Variants in OPCML observed in about 807,000 individuals in gnomAD.
The protein encoded by OPCML is opioid-binding protein/cell adhesion molecule.
OPCML carries 13 observed loss-of-function variants against 37.8 expected under a neutral mutation model. The observed-to-expected ratio is 0.34, with a 90% CI of 0.22 to 0.55. OPCML has a LOEUF of 0.55. Among genes scored for constraint, OPCML ranks in the 20% least tolerant of loss-of-function variants. The probability of loss-of-function intolerance (pLI) is 0.91; values close to 1 mark genes in which losing one functional copy is unlikely to be tolerated. For synonymous variants in OPCML, 176 were observed against 168.8 expected, an observed-to-expected ratio of 1.04 and a Z score of -0.33; for missense variants, 341 against 435.6, an observed-to-expected ratio of 0.78 and a Z score of 1.93.
chr11:132,749,403 A>G (rs1020010841), intron 2 of OPCML, among the ~76,000 whole-genome samples: 1 of 152,200 alleles, frequency 6.6e-6, no homozygotes, highest in Non-Finnish European at 1.5e-5. Context: ...CCAAGACGAT[A>G]GGAAAGACTG....
At chr11:133,483,110 TTA>T (rs1947413939) in intron 1 of OPCML, among the ~76,000 whole-genome samples, 1 of 151,942 alleles carries the variant, frequency 6.6e-6, no homozygotes, top group Non-Finnish European at 1.5e-5. Context: ...ATGAGAAATT[TTA>T]AGAGGAGAAA....
At chr11:132,624,233 C>T (rs1939601057) in intron 3 of OPCML, among the ~76,000 whole-genome samples, 1 of 152,164 alleles carries the variant, frequency 6.6e-6, no homozygotes, top group Non-Finnish European at 1.5e-5. Flanking sequence ...ATTCAGCAAA[C>T]AGGCTCAAGT....
chr11:132,524,549 A>G (rs1405299895), intron 4 of OPCML, among the ~76,000 whole-genome samples: 7 of 152,348 alleles, frequency 4.6e-5, no homozygotes, highest in African/African-American at 1.7e-4. Flanking sequence ...TACACAGTCA[A>G]AAGTTCAGCA....
At chr11:133,014,970 G>A (rs150560897) in intron 1 of OPCML, among the ~76,000 whole-genome samples, 1 of 152,266 alleles carries the variant, frequency 6.6e-6, no homozygotes, top group African/African-American at 2.4e-5. Flanking sequence ...TACCCTCAAT[G>A]GAATAACGTC....
At chr11:133,046,919 G>C (rs922732115) in intron 1 of OPCML, among the ~76,000 whole-genome samples, 1 of 151,556 alleles carries the variant, frequency 6.6e-6, no homozygotes, top group African/African-American at 2.4e-5. Context: ...AGGAGCCGGG[G>C]AGTGGAAGGG....
rs1555072797 is a variant in OPCML at position 132,999,577 on chromosome 11, G to GA, written c.62-56568dup. Among the ~76,000 whole-genome samples the GA allele has an allele frequency of 4.1e-3, 596 of 146,568 alleles. 16 individuals carry two copies. The highest frequency in any genetic ancestry group is 0.015 in the African/African-American group (556 of 37,172). Reference sequence around the variant, plus strand: ...CAAGTGACAAATGGGGTCGGGGGGGGAATGCCACCGGTAATGAACAAAAGC... The same window carrying GA: ...CAAGTGACAAATGGGGTCGGGGGGGGAAATGCCACCGGTAATGAACAAAAGC... On this transcript the variant is annotated intron_variant, in intron 1 of 7. Transcript: ENST00000524381.
intron 1 of OPCML, among the ~76,000 whole-genome samples, chr11:133,479,777 C>A (rs963395579): frequency 2.0e-5 from 3 of 152,204 alleles, no homozygotes; most frequent in East Asian, 1.9e-4. Context: ...ACCCACCGAA[C>A]AAATGACACC....
At chr11:132,673,375 G>A (rs911354073) in intron 2 of OPCML, among the ~76,000 whole-genome samples, 3 of 152,108 alleles carry the variant, frequency 2.0e-5, no homozygotes, top group South Asian at 2.1e-4. Flanking sequence ...GGCCATTGGG[G>A]CATCAGACAT....
At chr11:132,923,193 C>A (rs1404812287) in intron 2 of OPCML, among the ~76,000 whole-genome samples, 3 of 152,066 alleles carry the variant, frequency 2.0e-5, no homozygotes, top group Non-Finnish European at 4.4e-5. Context: ...CTAGTTCATT[C>A]CCCCTGCATG....
chr11:133,180,468 C>A (rs1250847003), intron 1 of OPCML, among the ~76,000 whole-genome samples: 1 of 152,140 alleles, frequency 6.6e-6, no homozygotes, highest in Non-Finnish European at 1.5e-5. Context: ...TGGTTCAAAT[C>A]ATAGCAAATG....
At chr11:132,627,324 C>G (rs1939811229) in intron 3 of OPCML, among the ~76,000 whole-genome samples, 1 of 152,202 alleles carries the variant, frequency 6.6e-6, no homozygotes, top group Non-Finnish European at 1.5e-5. Flanking sequence ...CCAAATATTG[C>G]AGCCATCTTT....
intron 3 of OPCML, among the ~76,000 whole-genome samples, chr11:132,573,769 C>T (rs2096443701): frequency 6.6e-6 from 1 of 151,828 alleles, no homozygotes; most frequent in African/African-American, 2.4e-5. Context: ...GAAGTGTTTC[C>T]TCGTTTTAAT....
chr11:133,467,711 C>T (rs1000699006), intron 1 of OPCML, among the ~76,000 whole-genome samples: 1 of 152,102 alleles, frequency 6.6e-6, no homozygotes, highest in Non-Finnish European at 1.5e-5. Context: ...AATGGCAGAA[C>T]TGGTGAATAA....
At chr11:133,495,761 T>C (rs1260441124) in intron 1 of OPCML, among the ~76,000 whole-genome samples, 1 of 152,154 alleles carries the variant, frequency 6.6e-6, no homozygotes, top group Non-Finnish European at 1.5e-5. Flanking sequence ...TTTTTTTTCT[T>C]ACTGATTTGT....
chr11:133,234,273 A>C (rs2219095), intron 1 of OPCML, among the ~76,000 whole-genome samples: 41,305 of 152,122 alleles, frequency 0.27, 6,321 homozygotes, highest in African/African-American at 0.41. Context: ...CAAAAAAAAA[A>C]CACAGTTTTT....
intron 1 of OPCML, among the ~76,000 whole-genome samples, chr11:133,323,990 C>T (rs1173489478): frequency 6.6e-6 from 1 of 152,214 alleles, no homozygotes; most frequent in Non-Finnish European, 1.5e-5. Flanking sequence ...TCCATTACCC[C>T]TGTGGGGGCT....
intron 3 of OPCML, among the ~76,000 whole-genome samples, chr11:132,553,052 C>T (rs2096385984): frequency 6.6e-6 from 1 of 152,208 alleles, no homozygotes; most frequent in Non-Finnish European, 1.5e-5. Flanking sequence ...TCATGAGCCA[C>T]TACGCGCAGC....
At chr11:133,204,322 G>C (rs1938939893) in intron 1 of OPCML, among the ~76,000 whole-genome samples, 1 of 152,172 alleles carries the variant, frequency 6.6e-6, no homozygotes, top group African/African-American at 2.4e-5. Flanking sequence ...ATTCACATGA[G>C]TGGGTAGTTC....
At chr11:133,162,583 A>G (rs1462774246) in intron 1 of OPCML, among the ~76,000 whole-genome samples, 1 of 152,182 alleles carries the variant, frequency 6.6e-6, no homozygotes, top group African/African-American at 2.4e-5. Context: ...AGAAACATAC[A>G]CACTGCCGGC....
Sources: gnomAD v4.1 joint callset for allele counts (sites outside exome capture counted in the v4.1 genomes callset) on GRCh38, gnomAD v4.1.1 for gene constraint, MANE v1.5 for transcripts, NCBI Gene and HGNC (gene_info 2026-07-23, HGNC 2026-07-21) for gene names.